LRRC28: variants seen among roughly 807,000 people sequenced by gnomAD.
LRRC28 encodes the protein leucine rich repeat containing 28, also known as leucine-rich repeat-containing protein 28.
A neutral mutation model predicts 45.7 loss-of-function variants in LRRC28; 39 were observed. That is an observed-to-expected ratio of 0.85 (90% confidence interval 0.66 to 1.12). LRRC28 has a LOEUF of 1.12. Ranked by LOEUF, LRRC28 falls within the 50% of genes most tolerant of loss-of-function variation. The pLI, the probability that LRRC28 is intolerant of heterozygous loss-of-function variation, is 0.00. For synonymous variants in LRRC28, 206 were observed against 178.8 expected, an observed-to-expected ratio of 1.15 and a Z score of -1.22; for missense variants, 435 against 438.5, an observed-to-expected ratio of 0.99 and a Z score of 0.07.
chr15:99,309,598 G>A (rs1215372582), intron 5 of LRRC28, among the ~76,000 whole-genome samples: 3 of 152,008 alleles, frequency 2.0e-5, no homozygotes, highest in African/African-American at 4.8e-5. Flanking sequence ...TAGTAGAGAC[G>A]CGGTTTCATC....
chr15:99,365,846 C>A (rs1349677560), intron 9 of LRRC28, among the ~76,000 whole-genome samples: 2 of 152,144 alleles, frequency 1.3e-5, no homozygotes, highest in Non-Finnish European at 2.9e-5. Context: ...ACAGTAAATA[C>A]CCAAACTTTC....
chr15:99,275,084 C>T (rs778439837), intron 2 of LRRC28, among the ~76,000 whole-genome samples: 3 of 151,972 alleles, frequency 2.0e-5, no homozygotes, highest in Non-Finnish European at 4.4e-5. Flanking sequence ...AATTTGAACC[C>T]CCTATGTGTG....
chr15:99,258,492 G>T, intron 2 of LRRC28: 1 of 766,886 alleles, frequency 1.3e-6, no homozygotes, highest in Non-Finnish European at 2.4e-6. Flanking sequence ...CTGTTAAGGA[G>T]CCATGAAGGA....
chr15:99,323,404 C>T (rs187187609), intron 5 of LRRC28, among the ~76,000 whole-genome samples: 41 of 152,266 alleles, frequency 2.7e-4, no homozygotes, highest in African/African-American at 9.4e-4. Flanking sequence ...ATCTAGGATT[C>T]GATCCCAATT....
chr15:99,295,478 C>T (rs565820372), intron 5 of LRRC28, among the ~76,000 whole-genome samples: 43 of 152,240 alleles, frequency 2.8e-4, no homozygotes, highest in African/African-American at 8.4e-4. Context: ...GATTAAACCT[C>T]GCTAAACATC....
In LRRC28 at chr15:99,287,834, C is replaced by T. The variant is rs866339344; in HGVS notation, c.268C>T (p.Leu90Phe). 2.0e-5 allele frequency: 32 copies of T among 1,612,608 alleles called. No individual in the cohort carries two copies. The highest frequency in any genetic ancestry group is 2.6e-5 in the Non-Finnish European group (31 of 1,179,230). ...TGAAGCCATTGGGTCTCTTGTAAAA[C>T]TCCAATGTCTGGATCTTAGTGACAA... is the stretch of plus-strand genomic sequence containing the variant. Reference protein sequence around the residue: ...VPEAIGSLVKLQCLDLSDNAL... With the variant: ...VPEAIGSLVKFQCLDLSDNAL... Residue 90 changes from leucine to phenylalanine, a missense_variant, in exon 5 of 10, where the codon CTC becomes TTC. By Grantham distance (22) the Leu-to-Phe change is conservative (BLOSUM62 0). Coordinates refer to ENST00000301981, the MANE Select transcript of LRRC28 (RefSeq NM_144598.5).
At chr15:99,318,578 GT>G (rs1394448609) in intron 5 of LRRC28, among the ~76,000 whole-genome samples, 1 of 151,780 alleles carries the variant, frequency 6.6e-6, no homozygotes, top group Non-Finnish European at 1.5e-5. Context: ...CACTCTGTAG[GT>G]GGTTATCTGA....
chr15:99,278,939 T>C (rs1428621846), intron 3 of LRRC28, among the ~76,000 whole-genome samples: 1 of 152,252 alleles, frequency 6.6e-6, no homozygotes, highest in African/African-American at 2.4e-5. Context: ...CATTTCTTGC[T>C]TGATGTTGGC....
chr15:99,258,441 C>T (rs2081092040), intron 2 of LRRC28: 1 of 874,820 alleles, frequency 1.1e-6, no homozygotes, highest in Non-Finnish European at 1.9e-6. Context: ...ATTCACAGTT[C>T]ATAAACTTTC....
intron 5 of LRRC28, among the ~76,000 whole-genome samples, chr15:99,318,410 G>A (rs186966971): frequency 6.6e-6 from 1 of 152,020 alleles, no homozygotes; most frequent in Non-Finnish European, 1.5e-5. Context: ...TGTGTGAGGA[G>A]GCACCATTAA....
At chr15:99,252,802 C>T (rs1213087636) in intron 1 of LRRC28, among the ~76,000 whole-genome samples, 1 of 152,162 alleles carries the variant, frequency 6.6e-6, no homozygotes, top group Admixed American at 6.5e-5. Flanking sequence ...GCAGAATATG[C>T]CGGTTTGTTA....
At chr15:99,378,938 T>G (rs1030198382) in intron 9 of LRRC28, among the ~76,000 whole-genome samples, 39 of 152,148 alleles carry the variant, frequency 2.6e-4, no homozygotes, top group African/African-American at 9.2e-4. Context: ...TGGATTCGGT[T>G]TCCCAGTATT....
At chr15:99,357,443 A>G (rs1957078314) in intron 7 of LRRC28, among the ~76,000 whole-genome samples, 1 of 152,254 alleles carries the variant, frequency 6.6e-6, no homozygotes, top group African/African-American at 2.4e-5. Context: ...AGCAACATGG[A>G]TGAATTCCAG....
intron 7 of LRRC28, 138 bp downstream of exon 7, chr15:99,352,609 A>T: frequency 1.7e-6 from 1 of 602,948 alleles, no homozygotes; most frequent in Non-Finnish European, 2.9e-6. Context: ...GCAGTTTGGA[A>T]TATTGCACAT....
intron 3 of LRRC28, among the ~76,000 whole-genome samples, chr15:99,277,022 G>A (rs954217074): frequency 1.3e-5 from 2 of 151,834 alleles, no homozygotes; most frequent in Non-Finnish European, 2.9e-5. Context: ...CATCCTCCAC[G>A]CTTCATTTGT....
intron 5 of LRRC28, among the ~76,000 whole-genome samples, chr15:99,308,799 TGGATCA>T (rs1429078117): frequency 6.6e-6 from 1 of 152,240 alleles, no homozygotes; most frequent in Non-Finnish European, 1.5e-5. Flanking sequence ...TCAATTTCTA[TGGATCA>T]GCAGTCTAAG....
At chr15:99,384,491 A>G (rs1957923157) in intron 9 of LRRC28, 1 of 152,190 alleles carries the variant, frequency 6.6e-6, no homozygotes, top group African/African-American at 2.4e-5. Flanking sequence ...GCTTCATAAA[A>G]TAAGGATTCA....
At chr15:99,385,329 A>G (rs1957950891) in intron 9 of LRRC28, among the ~76,000 whole-genome samples, 1 of 152,186 alleles carries the variant, frequency 6.6e-6, no homozygotes. Context: ...GGAAATAGAA[A>G]ACAATCAGCA....
rs571903360 is a variant in LRRC28, at chr15:99,297,424, AT to A, written c.385+9492del. 306 of 120,316 alleles carry A rather than the reference AT, an allele frequency of 2.5e-3. 1 individual carries two copies. The highest frequency in any genetic ancestry group is 5.5e-3 in the African/African-American group (179 of 32,508). 7.5% of individuals were successfully genotyped at this position (120,316 alleles called of 1,614,324 possible). Reference sequence around the variant, plus strand: ...CACCATGCCTGGCTAATTTTCTTTAATTTTTTTTTTTTTTTTTTTGGTAGAG... The same window carrying A: ...CACCATGCCTGGCTAATTTTCTTTAATTTTTTTTTTTTTTTTTTGGTAGAG... On this transcript the variant is annotated intron_variant, in intron 5 of 9. Transcript: ENST00000301981.
Sources: allele counts gnomAD v4.1 joint callset (sites outside exome capture counted in the v4.1 genomes callset), GRCh38; gene constraint gnomAD v4.1.1; transcripts MANE v1.5; gene names NCBI Gene and HGNC (gene_info 2026-07-23, HGNC 2026-07-21).